The following MTX2 variants were observed in gnomAD, a reference collection of about 807,000 sequenced individuals.
The protein encoded by MTX2 is metaxin-2.
A neutral mutation model predicts 42.3 loss-of-function variants in MTX2; 35 were observed. That is an observed-to-expected ratio of 0.83 (90% CI 0.63 to 1.10). The LOEUF is 1.10. Among genes scored for constraint, MTX2 ranks in the 50% least tolerant of loss-of-function variants. MTX2 has a pLI of 0.00. For synonymous variants in MTX2, 119 were observed against 100.9 expected (o/e 1.18, Z -1.08); for missense variants, 307 against 304.1 (o/e 1.01, Z -0.07).
intron 3 of MTX2, among the ~76,000 whole-genome samples, chr2:176,318,427 A>T (rs940387509): frequency 1.3e-5 from 2 of 152,198 alleles, no homozygotes; most frequent in Non-Finnish European, 2.9e-5. Flanking sequence ...GTGTACATAT[A>T]CATATGTGTG....
At chr2:176,288,697 A>T (rs1693260692) in intron 1 of MTX2, among the ~76,000 whole-genome samples, 1 of 151,710 alleles carries the variant, frequency 6.6e-6, no homozygotes. Flanking sequence ...AATTTGATGG[A>T]TTGGAAATAT....
At chr2:176,315,233 C>CAT (rs1271157405) in intron 3 of MTX2, among the ~76,000 whole-genome samples, 1 of 152,152 alleles carries the variant, frequency 6.6e-6, no homozygotes, top group Non-Finnish European at 1.5e-5. Context: ...AATCTAAAGA[C>CAT]ATGTAGGTCC....
chr2:176,329,180 AT>A (rs1156276666), intron 7 of MTX2, 120 bp from the exon 8 acceptor site: 4 of 1,213,238 alleles, frequency 3.3e-6, no homozygotes, highest in South Asian at 1.9e-5. Flanking sequence ...CAGGATGTGT[AT>A]TTTTTTCAGA....
chr2:176,302,126 G>GTTT (rs80143449), intron 3 of MTX2, among the ~76,000 whole-genome samples: 2 of 125,262 alleles, frequency 1.6e-5, no homozygotes. Flanking sequence ...AAAAGCTGGT[G>GTTT]TTTTTTTTTT....
At chr2:176,323,510 A>C in intron 4 of MTX2, 46 bp downstream of exon 4, 1 of 1,527,450 alleles carries the variant, frequency 6.5e-7, no homozygotes, top group East Asian at 2.3e-5. Context: ...TGGAGTGATA[A>C]AATTATAGTG....
At chr2:176,336,810 C>T (rs575064334) in intron 9 of MTX2, among the ~76,000 whole-genome samples, 6 of 152,090 alleles carry the variant, frequency 3.9e-5, no homozygotes, top group East Asian at 1.9e-4. Context: ...TTGTTTCTTA[C>T]GTGGCTTTTT....
chr2:176,275,035 C>T (rs1692915905), intron 1 of MTX2, among the ~76,000 whole-genome samples: 1 of 152,142 alleles, frequency 6.6e-6, no homozygotes, highest in South Asian at 2.1e-4. Context: ...TGTCCCAAAG[C>T]CATCACACGT....
At chr2:176,318,793 G>T (rs532450827) in intron 3 of MTX2, among the ~76,000 whole-genome samples, 1 of 152,252 alleles carries the variant, frequency 6.6e-6, no homozygotes, top group African/African-American at 2.4e-5. Context: ...TATCCATGCT[G>T]TCTGATAGAC....
intron 8 of MTX2, among the ~76,000 whole-genome samples, chr2:176,329,768 G>GTTT (rs772324906): frequency 7.5e-6 from 1 of 133,038 alleles, no homozygotes. Flanking sequence ...TAACCTGAGG[G>GTTT]TTTTTTTTTT....
At chr2:176,297,807 A>G (rs1305039704) in intron 2 of MTX2, 42 bp from the exon 3 acceptor site, 1 of 1,378,682 alleles carries the variant, frequency 7.3e-7, no homozygotes, top group Non-Finnish European at 9.9e-7. Context: ...AAAATACTAT[A>G]TTCTACTTGG....
intron 1 of MTX2, among the ~76,000 whole-genome samples, chr2:176,283,610 G>A (rs972025359): frequency 6.6e-6 from 1 of 152,158 alleles, no homozygotes; most frequent in Non-Finnish European, 1.5e-5. Flanking sequence ...TAGCTAGCTT[G>A]ATATGAGATA....
intron 4 of MTX2, among the ~76,000 whole-genome samples, chr2:176,325,779 C>T (rs904452196): frequency 1.3e-5 from 2 of 151,388 alleles, no homozygotes; most frequent in African/African-American, 2.4e-5. Flanking sequence ...TTTTTTTTTG[C>T]AAGATTTATA....
intron 6 of MTX2, 134 bp downstream of exon 6, chr2:176,328,519 A>G: frequency 6.9e-6 from 4 of 580,764 alleles, no homozygotes; most frequent in East Asian, 6.0e-5. Context: ...TTGGCTACCT[A>G]AATTATTTGA....
intron 1 of MTX2, among the ~76,000 whole-genome samples, chr2:176,293,516 A>G (rs1693372081): frequency 6.6e-6 from 1 of 152,052 alleles, no homozygotes; most frequent in African/African-American, 2.4e-5. Flanking sequence ...GCTCAGTGCT[A>G]TCCTTGATAG....
chr2:176,271,281 C>T (rs1692799429), intron 1 of MTX2, among the ~76,000 whole-genome samples: 1 of 151,972 alleles, frequency 6.6e-6, no homozygotes, highest in African/African-American at 2.4e-5. Flanking sequence ...TATAAAACAA[C>T]AAAATTGTAA....
At chr2:176,269,894 C>T (rs976408677) in intron 1 of MTX2, among the ~76,000 whole-genome samples, 13 of 152,124 alleles carry the variant, frequency 8.5e-5, no homozygotes, top group Admixed American at 8.5e-4. Flanking sequence ...GTCTCCTTCC[C>T]TTGGGCGGTA....
chr2:176,281,879 G>A (rs954417893), intron 1 of MTX2, among the ~76,000 whole-genome samples: 10 of 152,042 alleles, frequency 6.6e-5, no homozygotes, highest in African/African-American at 2.4e-4. Flanking sequence ...GAACATGCAT[G>A]CATATACAAA....
At chr2:176,281,486 C>G (rs550751226) in intron 1 of MTX2, among the ~76,000 whole-genome samples, 4 of 152,124 alleles carry the variant, frequency 2.6e-5, no homozygotes, top group African/African-American at 9.7e-5. Flanking sequence ...TATGTAGTGA[C>G]TCAGTGCACC....
chr2:176,299,586 C>A (rs1880224), intron 3 of MTX2, among the ~76,000 whole-genome samples: 45,654 of 151,898 alleles, frequency 0.3, 7,831 homozygotes, highest in African/African-American at 0.46. Flanking sequence ...TGATAAATTA[C>A]GCAGCATATA....
Sources: allele counts gnomAD v4.1 joint callset (sites outside exome capture counted in the v4.1 genomes callset), GRCh38; gene constraint gnomAD v4.1.1; transcripts MANE v1.5; gene names NCBI Gene and HGNC (gene_info 2026-07-23, HGNC 2026-07-21).